Variants in FAF1 observed in about 807,000 individuals in gnomAD.
FAF1 encodes the protein FAS-associated factor 1.
Under a neutral mutation model 92.5 loss-of-function variants are expected in FAF1, and 25 were observed. That is an observed-to-expected ratio of 0.27 (90% CI 0.20 to 0.38). The LOEUF (loss-of-function observed/expected upper bound fraction) is 0.38, where lower values mean the gene tolerates loss of function less well. FAF1 is among the 10% of genes least tolerant of loss of function. FAF1 has a pLI of 1.00. For missense variants in FAF1, 636 were observed against 793.3 expected (o/e 0.80, Z 2.38); for synonymous variants, 234 against 273.2 (o/e 0.86, Z 1.42).
chr1:50,887,593 T>C (rs1644679249), intron 1 of FAF1, among the ~76,000 whole-genome samples: 1 of 152,262 alleles, frequency 6.6e-6, no homozygotes, highest in African/African-American at 2.4e-5. Flanking sequence ...GCTTTCTACA[T>C]ATGGCTAGCC....
intron 8 of FAF1, among the ~76,000 whole-genome samples, chr1:50,610,172 T>G (rs1398038936): frequency 6.6e-6 from 1 of 152,238 alleles, no homozygotes; most frequent in African/African-American, 2.4e-5. Flanking sequence ...ATATGATGAC[T>G]TGCAGGTCAT....
chr1:50,705,024 A>G (rs1164343644), intron 7 of FAF1, among the ~76,000 whole-genome samples: 1 of 152,224 alleles, frequency 6.6e-6, no homozygotes, highest in East Asian at 1.9e-4. Context: ...CTTTAGAAAA[A>G]TTAGTAGACA....
At chr1:50,477,740 C>G (rs752010495) in intron 17 of FAF1, among the ~76,000 whole-genome samples, 19 of 152,190 alleles carry the variant, frequency 1.2e-4, no homozygotes, top group Non-Finnish European at 2.4e-4. Context: ...AATGCCTGGC[C>G]TTCTTACTAG....
In FAF1 at chr1:50,960,209, C is replaced by CGCCGCG. The variant is rs1468656172; in HGVS notation, c.-404_-399dup. On this transcript the variant is annotated 5_prime_UTR_variant, in exon 1 of 19. Coordinates refer to ENST00000396153, the MANE Select transcript of FAF1 (RefSeq NM_007051.3). Reference sequence around the variant, plus strand: ...CCGAGCGAGCGAGCGGGCGGGCGAACGCCGCGGCCGCCTCCGCCTCCTCCG... The same window carrying CGCCGCG: ...CCGAGCGAGCGAGCGGGCGGGCGAACGCCGCGGCCGCGGCCGCCTCCGCCTCCTCCG... The CGCCGCG allele has an allele frequency of 9.2e-6, 3 of 327,126 alleles. No individual in the cohort carries two copies. The highest frequency in any genetic ancestry group is 2.2e-5 in the African/African-American group (1 of 45,996). The allele number at this position is 327,126 out of a possible 1,614,324, so 20.3% of individuals were successfully genotyped here.
intron 1 of FAF1, among the ~76,000 whole-genome samples, chr1:50,894,304 TAAAAAAAA>T (rs34801737): frequency 6.4e-5 from 4 of 62,984 alleles, no homozygotes; most frequent in Non-Finnish European, 1.3e-4. Context: ...GTCTCAAAAT[TAAAAAAAA>T]AAAAAAAAAA....
chr1:50,585,074 T>C (rs1452294712), intron 9 of FAF1, among the ~76,000 whole-genome samples: 2 of 152,190 alleles, frequency 1.3e-5, no homozygotes, highest in Non-Finnish European at 2.9e-5. Context: ...TTTTTGTCTT[T>C]TTCCCCAGCA....
chr1:50,613,453 C>A (rs1333900454), intron 8 of FAF1, among the ~76,000 whole-genome samples: 1 of 152,120 alleles, frequency 6.6e-6, no homozygotes, highest in Non-Finnish European at 1.5e-5. Context: ...GTATAATTAG[C>A]TTTGCATTCT....
At chr1:50,612,620 A>G (rs1470484933) in intron 8 of FAF1, 1 of 323,712 alleles carries the variant, frequency 3.1e-6, no homozygotes, top group Non-Finnish European at 4.4e-6. Flanking sequence ...TTTTTCCAGC[A>G]GCATCTAATT....
intron 2 of FAF1, among the ~76,000 whole-genome samples, chr1:50,814,765 G>T (rs1643951421): frequency 6.6e-6 from 1 of 152,148 alleles, no homozygotes. Flanking sequence ...CATTAAAGAT[G>T]CTGAGCTCCA....
chr1:50,860,912 C>G (rs1482506382), intron 1 of FAF1, among the ~76,000 whole-genome samples: 1 of 151,780 alleles, frequency 6.6e-6, no homozygotes, highest in Non-Finnish European at 1.5e-5. Flanking sequence ...ATCAAGAGAA[C>G]TACGTCATGT....
chr1:50,751,596 C>T (rs1256556291), intron 4 of FAF1, among the ~76,000 whole-genome samples: 2 of 152,330 alleles, frequency 1.3e-5, no homozygotes, highest in South Asian at 2.1e-4. Context: ...CCCACCTCAG[C>T]CTCCCAAAGT....
chr1:50,837,649 T>C (rs916114216), intron 2 of FAF1, among the ~76,000 whole-genome samples: 3 of 152,136 alleles, frequency 2.0e-5, no homozygotes, highest in Admixed American at 6.5e-5. Context: ...AACATTGACC[T>C]ATAAAGTTTG....
In FAF1 at chr1:50,623,365, C is replaced by T. The variant is rs144325946; in HGVS notation, c.745-27149G>A. ...GGTGGACTGCCTGAGCTCATGAGTT[C>T]GAAACCAGCCTGGGCAACATGGCGA... On this transcript the variant is annotated intron_variant, in intron 8 of 18. Transcript: ENST00000396153. 4.6e-5 allele frequency among the ~76,000 whole-genome samples: 7 copies of T among 151,824 alleles called. No homozygotes were observed. In the South Asian group the frequency reaches 6.2e-4, roughly 14 times the overall value.
chr1:50,901,034 A>T (rs1164929409), intron 1 of FAF1, among the ~76,000 whole-genome samples: 3 of 152,184 alleles, frequency 2.0e-5, no homozygotes, highest in South Asian at 4.1e-4. Flanking sequence ...TTAAAACATT[A>T]AAAAAAGTAG....
intron 17 of FAF1, among the ~76,000 whole-genome samples, chr1:50,478,456 C>G (rs1250967408): frequency 6.6e-6 from 1 of 152,146 alleles, no homozygotes; most frequent in Non-Finnish European, 1.5e-5. Flanking sequence ...AACCACTGCG[C>G]CTGGCCACAA....
At chr1:50,834,740 T>C (rs540655733) in intron 2 of FAF1, among the ~76,000 whole-genome samples, 1 of 152,302 alleles carries the variant, frequency 6.6e-6, no homozygotes, top group South Asian at 2.1e-4. Flanking sequence ...AGAAGGAGGT[T>C]CACTAATCTC....
intron 2 of FAF1, among the ~76,000 whole-genome samples, chr1:50,846,049 A>C (rs1644296175): frequency 6.6e-6 from 1 of 152,158 alleles, no homozygotes; most frequent in African/African-American, 2.4e-5. Flanking sequence ...ACTTGAACCC[A>C]GGAGATGGAG....
At chr1:50,676,123 A>G (rs1438518379) in intron 7 of FAF1, among the ~76,000 whole-genome samples, 1 of 152,136 alleles carries the variant, frequency 6.6e-6, no homozygotes, top group Non-Finnish European at 1.5e-5. Flanking sequence ...AAATGAAACT[A>G]GGGCCAGGCA....
intron 1 of FAF1, among the ~76,000 whole-genome samples, chr1:50,887,856 G>A (rs1043413383): frequency 1.3e-5 from 2 of 152,078 alleles, no homozygotes; most frequent in African/African-American, 4.8e-5. Context: ...GTCTTGGCAA[G>A]GCAGGCTCTT....
Sources: gnomAD v4.1 joint callset for allele counts (sites outside exome capture counted in the v4.1 genomes callset) on GRCh38, gnomAD v4.1.1 for gene constraint, MANE v1.5 for transcripts, NCBI Gene and HGNC (gene_info 2026-07-23, HGNC 2026-07-21) for gene names.